LRRIQ1: variants seen among roughly 807,000 people sequenced by gnomAD.
LRRIQ1 encodes the protein leucine rich repeats and IQ motif containing 1, also known as leucine-rich repeat- and IQ domain-containing protein 1.
Under a neutral mutation model 211.9 loss-of-function variants are expected in LRRIQ1, and 210 were observed. The observed-to-expected ratio is 0.99, with a 90% CI of 0.89 to 1.11. The LOEUF (loss-of-function observed/expected upper bound fraction) is 1.11. Among genes scored for constraint, LRRIQ1 ranks in the 50% most tolerant of loss-of-function variants. The pLI, the probability that LRRIQ1 is intolerant of heterozygous loss-of-function variation, is 0.00. For missense variants in LRRIQ1, 2,136 were observed against 1,939.5 expected (o/e 1.10, Z -1.90); for synonymous variants, 699 against 650.1 (o/e 1.08, Z -1.14).
intron 19 of LRRIQ1, among the ~76,000 whole-genome samples, chr12:85,144,378 A>G (rs1198317004): frequency 6.6e-6 from 1 of 151,606 alleles, no homozygotes; most frequent in Non-Finnish European, 1.5e-5. Context: ...ATATAAATAT[A>G]TAGTAGAAAA....
chr12:85,044,337 G>C (rs1879268021), intron 3 of LRRIQ1, among the ~76,000 whole-genome samples: 1 of 151,852 alleles, frequency 6.6e-6, no homozygotes, highest in African/African-American at 2.4e-5. Context: ...TTATTAAAAT[G>C]TTTTCAATAT....
chr12:85,268,350 C>T (rs28542517), downstream of LRRIQ1, among the ~76,000 whole-genome samples: 25,023 of 151,686 alleles, frequency 0.16, 4,893 homozygotes, highest in African/African-American at 0.47. Context: ...AAGTACAAGA[C>T]GCATTTCTAG....
At chr12:85,195,722 C>G (rs1205216586) in intron 24 of LRRIQ1, among the ~76,000 whole-genome samples, 5 of 151,888 alleles carry the variant, frequency 3.3e-5, no homozygotes, top group Non-Finnish European at 5.9e-5. Flanking sequence ...CAATATCATA[C>G]GGAATGGGCA....
chr12:85,098,836 A>G (rs2136280189), intron 12 of LRRIQ1, 31 bp from the exon 13 acceptor site: 2 of 1,471,480 alleles, frequency 1.4e-6, no homozygotes, highest in Non-Finnish European at 9.2e-7. Flanking sequence ...ATTTTGCTTA[A>G]TATAAACTAA....
At position 85,055,989 on chromosome 12, in the gene LRRIQ1, C is replaced by T. The variant is rs776130591; in HGVS notation, c.1196C>T (p.Ala399Val). 1.2e-6 allele frequency: 2 copies of T among 1,609,270 alleles called. No homozygotes were observed. Among genetic ancestry groups the T allele is most frequent in the South Asian group, 2.2e-5 (2 of 89,814 alleles). ...AGCCAACAGCTAATAATAAGTAGTG[C>T]ATTAAAGAAGAGCGGATATAATAAC... is the stretch of plus-strand genomic sequence containing the variant. ...DASQQLIISS[A>V]LKKSGYNNKH... The change falls in exon 8 of 27, where the codon GCA becomes GTA. Residue 399 changes from alanine to valine, a missense_variant. Ala to Val is a moderately conservative substitution (Grantham distance 64). Coordinates refer to ENST00000393217, the MANE Select transcript of LRRIQ1 (RefSeq NM_001079910.2).
chr12:85,096,171 G>C (rs1203688598), intron 11 of LRRIQ1, among the ~76,000 whole-genome samples: 1 of 151,998 alleles, frequency 6.6e-6, no homozygotes, highest in East Asian at 1.9e-4. Context: ...TTGGTTCTGT[G>C]GTGATTTTAG....
chr12:85,121,348 T>C (rs980954863), intron 15 of LRRIQ1, among the ~76,000 whole-genome samples: 13 of 152,312 alleles, frequency 8.5e-5, no homozygotes, highest in African/African-American at 2.9e-4. Context: ...ATTATAGTTA[T>C]CTTCTGTTTA....
At chr12:85,066,691 A>G (rs1882468975) in intron 9 of LRRIQ1, 57 bp from the exon 10 acceptor site, 1 of 1,379,360 alleles carries the variant, frequency 7.2e-7, no homozygotes, top group South Asian at 1.4e-5. Flanking sequence ...GAAAGCTTTA[A>G]ATAGTTCATT....
intron 2 of LRRIQ1, among the ~76,000 whole-genome samples, chr12:85,040,043 T>TGTAAAAATTTA (rs1878682494): frequency 6.6e-6 from 1 of 151,588 alleles, no homozygotes; most frequent in South Asian, 2.1e-4. Context: ...TGACTAAATT[T>TGTAAAAATTTA]GTGTATGATA....
chr12:85,232,140 ATTG>A (rs1894972674), intron 25 of LRRIQ1, among the ~76,000 whole-genome samples: 1 of 152,098 alleles, frequency 6.6e-6, no homozygotes, highest in South Asian at 2.1e-4. Flanking sequence ...ACAATAAGCA[ATTG>A]TTAATAAACT....
chr12:85,269,057 TA>T (rs1170058582), downstream of LRRIQ1, among the ~76,000 whole-genome samples: 1 of 151,954 alleles, frequency 6.6e-6, no homozygotes, highest in Non-Finnish European at 1.5e-5. Flanking sequence ...GAATACAGCC[TA>T]AATAAATACC....
At chr12:85,075,340 A>G (rs913636224) in intron 11 of LRRIQ1, among the ~76,000 whole-genome samples, 1 of 152,024 alleles carries the variant, frequency 6.6e-6, no homozygotes, top group African/African-American at 2.4e-5. Context: ...ATAAAGAAAT[A>G]CCCAAGACTA....
At chr12:85,052,971 A>T (rs778584390) in intron 7 of LRRIQ1, among the ~76,000 whole-genome samples, 23 of 152,092 alleles carry the variant, frequency 1.5e-4, no homozygotes, top group Admixed American at 2.6e-4. Context: ...TAAACAGGTG[A>T]TGTGAAAAGA....
In LRRIQ1 at chr12:85,190,875, G is replaced by A. The variant is rs181339015; in HGVS notation, c.4822+30161G>A. On this transcript the variant is annotated intron_variant, in intron 24 of 26. Coordinates refer to ENST00000393217, the MANE Select transcript of LRRIQ1 (RefSeq NM_001079910.2). The stretch of plus-strand genomic sequence containing the variant: ...CTCCAAATTTCACCTCTAGCCATAT[G>A]AAACAGACTTTCTCATGTATTGTCT... Among the ~76,000 whole-genome samples, 128 of 152,000 alleles carry A rather than the reference G, an allele frequency of 8.4e-4. 3 individuals carry two copies. The highest frequency in any genetic ancestry group is 8.4e-3 in the Admixed American group (127 of 15,194).
chr12:85,197,886 A>G (rs1441987646), intron 24 of LRRIQ1, among the ~76,000 whole-genome samples: 10 of 130,696 alleles, frequency 7.7e-5, no homozygotes, highest in Non-Finnish European at 1.1e-4. Flanking sequence ...TTAATAAAAC[A>G]TAATAAAAAT....
Position 85,056,394 on chromosome 12 carries a change from C to T in LRRIQ1, c.1601C>T (p.Ala534Val), listed in dbSNP as rs761660908. The change falls in exon 8 of 27, where the codon GCA becomes GTA. Residue 534 changes from alanine (A) to valine (V), a missense_variant. Physicochemically the swap from Ala to Val is moderately conservative, Grantham distance 64. Transcript: ENST00000393217. ...QFPLQELKSD[A>V]QKEEKIMKHV... ...CCATTGCAAGAATTAAAGTCTGATG[C>T]ACAAAAAGAAGAAAAAATCATGAAA... is the stretch of plus-strand genomic sequence containing the variant. The T allele has an allele frequency of 1.3e-6, 2 of 1,586,804 alleles. No individual in the cohort carries two copies. The highest frequency in any genetic ancestry group is 2.3e-5 in the East Asian group (1 of 44,414).
intron 2 of LRRIQ1, 31 bp downstream of exon 2, chr12:85,038,339 G>A (rs368512160): frequency 2.1e-6 from 3 of 1,406,376 alleles, no homozygotes; most frequent in Non-Finnish European, 2.8e-6. Context: ...CCTTTTAACA[G>A]GAGTAGGCTT....
intron 8 of LRRIQ1, among the ~76,000 whole-genome samples, chr12:85,059,588 C>G (rs1430986212): frequency 6.6e-6 from 1 of 151,978 alleles, no homozygotes; most frequent in Non-Finnish European, 1.5e-5. Flanking sequence ...CTATTGATCT[C>G]ACACCATCAT....
At chr12:85,125,053 C>T (rs1407424666) in intron 17 of LRRIQ1, among the ~76,000 whole-genome samples, 3 of 151,340 alleles carry the variant, frequency 2.0e-5, no homozygotes. Flanking sequence ...GTGGCGGGTG[C>T]CTGTAGTCCC....
Sources: allele counts gnomAD v4.1 joint callset (sites outside exome capture counted in the v4.1 genomes callset), GRCh38; gene constraint gnomAD v4.1.1; transcripts MANE v1.5; gene names NCBI Gene and HGNC (gene_info 2026-07-23, HGNC 2026-07-21).